Variants in CCDC178 observed in about 807,000 individuals in gnomAD.
CCDC178 encodes the protein coiled-coil domain containing 178, also known as coiled-coil domain-containing protein 178.
In CCDC178, 126 loss-of-function variants were observed where a neutral mutation model predicts 117.4. That is an observed-to-expected ratio of 1.07 (90% CI 0.93 to 1.24). The LOEUF is 1.24. CCDC178 is among the 50% of genes most tolerant of loss of function. CCDC178 has a pLI of 0.00. For synonymous variants in CCDC178, 283 were observed against 313.4 expected, an observed-to-expected ratio of 0.90 and a Z score of 1.02; for missense variants, 1,030 against 986.9, an observed-to-expected ratio of 1.04 and a Z score of -0.59.
At chr18:32,969,100 A>C (rs886577754) in intron 22 of CCDC178, among the ~76,000 whole-genome samples, 10 of 152,036 alleles carry the variant, frequency 6.6e-5, no homozygotes, top group South Asian at 2.1e-4. Flanking sequence ...AATCTTACTA[A>C]ACCAGTTCAC....
intron 21 of CCDC178, among the ~76,000 whole-genome samples, chr18:33,089,147 A>T (rs935275171): frequency 2.0e-5 from 3 of 152,172 alleles, no homozygotes; most frequent in African/African-American, 4.8e-5. Flanking sequence ...ACAACTAGTG[A>T]ATCAAATAAT....
intron 21 of CCDC178, among the ~76,000 whole-genome samples, chr18:33,005,833 C>T (rs957598532): frequency 2.0e-5 from 3 of 152,026 alleles, no homozygotes; most frequent in Non-Finnish European, 2.9e-5. Flanking sequence ...TGATCTTTTA[C>T]GATACAACTC....
At chr18:33,398,568 A>G (rs1466817369) in intron 3 of CCDC178, among the ~76,000 whole-genome samples, 2 of 152,212 alleles carry the variant, frequency 1.3e-5, no homozygotes, top group Admixed American at 1.3e-4. Flanking sequence ...GAGGGCAAGG[A>G]GTATATCTAT....
At chr18:33,047,672 CAG>C (rs76315501) in intron 21 of CCDC178, among the ~76,000 whole-genome samples, 2,837 of 152,236 alleles carry the variant, frequency 0.019, 54 homozygotes, top group East Asian at 0.1. Flanking sequence ...AATCTTTCTA[CAG>C]AGTTATACAC....
intron 11 of CCDC178, among the ~76,000 whole-genome samples, chr18:33,295,143 C>T (rs185609052): frequency 4.5e-4 from 69 of 152,140 alleles, no homozygotes; most frequent in African/African-American, 1.4e-3. Flanking sequence ...TGGTCATAGA[C>T]GACCCAGAAA....
intron 21 of CCDC178, among the ~76,000 whole-genome samples, chr18:32,980,772 C>G (rs2055140082): frequency 6.6e-6 from 1 of 152,000 alleles, no homozygotes; most frequent in Admixed American, 6.6e-5. Context: ...TTGTCAAATA[C>G]TAACAAAATC....
intron 14 of CCDC178, among the ~76,000 whole-genome samples, chr18:33,258,941 A>C (rs561826801): frequency 1.7e-4 from 26 of 152,186 alleles, no homozygotes; most frequent in Non-Finnish European, 3.7e-4. Flanking sequence ...TATACTACAA[A>C]TGAATATTTT....
chr18:33,103,943 A>T (rs1341326421), intron 20 of CCDC178, among the ~76,000 whole-genome samples: 1 of 151,860 alleles, frequency 6.6e-6, no homozygotes, highest in East Asian at 1.9e-4. Flanking sequence ...CAAATATTAT[A>T]GCCACACAGA....
intron 20 of CCDC178, among the ~76,000 whole-genome samples, chr18:33,097,635 C>T (rs2057562531): frequency 6.6e-6 from 1 of 152,074 alleles, no homozygotes; most frequent in Admixed American, 6.6e-5. Flanking sequence ...AATATATTCC[C>T]TTCGCAAACA....
chr18:33,146,932 C>T (rs896175581), intron 20 of CCDC178, among the ~76,000 whole-genome samples: 2 of 152,100 alleles, frequency 1.3e-5, no homozygotes, highest in South Asian at 4.1e-4. Flanking sequence ...ATTATTTCAG[C>T]CTTACAGTCC....
rs537983106 is a variant in CCDC178, at chr18:33,035,238, G to C, written c.2388+57523C>G. On this transcript the variant is annotated intron_variant, in intron 21 of 22. Transcript: ENST00000383096. ...GAGTCTGGATACATGGAAGTGGAGGGAAACACTATATGAGTCAGAATGAAT... is the reference window on the plus strand; with the variant it reads ...GAGTCTGGATACATGGAAGTGGAGGCAAACACTATATGAGTCAGAATGAAT... Among the ~76,000 whole-genome samples the C allele has an allele frequency of 2.0e-5, 3 of 151,982 alleles. No homozygotes were observed. The East Asian group carries it at 5.8e-4, about 29-fold the overall frequency.
chr18:33,026,687 G>A (rs1191899607), intron 21 of CCDC178, among the ~76,000 whole-genome samples: 1 of 151,544 alleles, frequency 6.6e-6, no homozygotes, highest in African/African-American at 2.4e-5. Context: ...GGAAATGAAT[G>A]GTAGAAGTAA....
chr18:33,134,146 T>C (rs2058099300), intron 20 of CCDC178, among the ~76,000 whole-genome samples: 1 of 152,020 alleles, frequency 6.6e-6, no homozygotes, highest in Non-Finnish European at 1.5e-5. Flanking sequence ...AAGAATTATA[T>C]AATAATTTTA....
chr18:33,260,782 T>C (rs1469994077), intron 14 of CCDC178, among the ~76,000 whole-genome samples: 4 of 151,706 alleles, frequency 2.6e-5, no homozygotes, highest in African/African-American at 7.3e-5. Context: ...AGGTAAGACT[T>C]TTTTTTTGTT....
chr18:33,182,203 G>A (rs1325210748), intron 20 of CCDC178, among the ~76,000 whole-genome samples: 1 of 151,814 alleles, frequency 6.6e-6, no homozygotes, highest in African/African-American at 2.4e-5. Flanking sequence ...TACACCATTA[G>A]ACACAGTTCC....
intron 14 of CCDC178, among the ~76,000 whole-genome samples, chr18:33,263,922 T>A (rs2059782468): frequency 1.3e-5 from 2 of 150,338 alleles, no homozygotes. Flanking sequence ...AAAAAAAAAA[T>A]AGCCAAGAAT....
chr18:33,013,480 C>A (rs2144805801), intron 21 of CCDC178, among the ~76,000 whole-genome samples: 1 of 152,184 alleles, frequency 6.6e-6, no homozygotes, highest in South Asian at 2.1e-4. Flanking sequence ...AGTGGTGAAC[C>A]ATTTTTTAAA....
At chr18:33,054,323 A>G (rs1181241312) in intron 21 of CCDC178, among the ~76,000 whole-genome samples, 1 of 152,126 alleles carries the variant, frequency 6.6e-6, no homozygotes, top group East Asian at 1.9e-4. Context: ...GGTTTGTTAC[A>G]TAGGTAAATG....
chr18:33,022,217 T>A (rs1430893900), intron 21 of CCDC178, among the ~76,000 whole-genome samples: 2 of 152,154 alleles, frequency 1.3e-5, no homozygotes, highest in East Asian at 1.9e-4. Flanking sequence ...GGTTTGTATT[T>A]TGGAGGGCTG....
Sources: gnomAD v4.1 joint callset for allele counts (sites outside exome capture counted in the v4.1 genomes callset) on GRCh38, gnomAD v4.1.1 for gene constraint, MANE v1.5 for transcripts, NCBI Gene and HGNC (gene_info 2026-07-23, HGNC 2026-07-21) for gene names.